Variants in GPR21 observed in about 807,000 individuals in gnomAD.
GPR21 encodes G protein-coupled receptor 21.
A neutral mutation model predicts 21.5 loss-of-function variants in GPR21; 9 were observed. The observed-to-expected ratio is 0.42, with a 90% CI of 0.25 to 0.73. The LOEUF (loss-of-function observed/expected upper bound fraction) is 0.73. GPR21 is among the 30% of genes least tolerant of loss of function. The pLI is 0.27. For synonymous variants in GPR21, 169 were observed against 159.3 expected (o/e 1.06, Z -0.46); for missense variants, 416 against 428.9 (o/e 0.97, Z 0.27).
chr9:123,046,875 A>G, the GPR21 span, among the ~76,000 whole-genome samples: 1 of 152,204 alleles, frequency 6.6e-6, no homozygotes, highest in Non-Finnish European at 1.5e-5. Context: ...TCCTTAAGTG[A>G]CAGAGCTTAG....
chr9:123,041,395 A>T, the GPR21 span, among the ~76,000 whole-genome samples: 1 of 152,214 alleles, frequency 6.6e-6, no homozygotes, highest in Non-Finnish European at 1.5e-5. Context: ...TTTATAGGTG[A>T]GGAAACATAG....
downstream of GPR21, among the ~76,000 whole-genome samples, chr9:123,036,411 A>G (rs1683099182): frequency 6.6e-6 from 1 of 152,188 alleles, no homozygotes; most frequent in African/African-American, 2.4e-5. Context: ...GAATTGTTAG[A>G]TTTCTCTTTT....
At chr9:123,039,124 G>A (rs2032821833), downstream of GPR21, among the ~76,000 whole-genome samples, 2 of 152,122 alleles carry the variant, frequency 1.3e-5, no homozygotes, top group South Asian at 4.1e-4. Context: ...CTACATGTAA[G>A]GAAGCCATAC....
At chr9:123,041,603 A>G in the GPR21 span, among the ~76,000 whole-genome samples, 12 of 152,230 alleles carry the variant, frequency 7.9e-5, no homozygotes, top group African/African-American at 2.7e-4. Flanking sequence ...TAGCAAAGGT[A>G]TAATATGGAT....
the GPR21 span, among the ~76,000 whole-genome samples, chr9:123,048,544 A>G: frequency 6.6e-6 from 1 of 152,238 alleles, no homozygotes. Context: ...GTCAAACAAT[A>G]CAGTACGTAT....
the GPR21 span, among the ~76,000 whole-genome samples, chr9:123,043,850 T>C: frequency 1.3e-5 from 2 of 152,084 alleles, no homozygotes; most frequent in Non-Finnish European, 2.9e-5. Flanking sequence ...GGAATTTCAT[T>C]GTAAGCTTTG....
the GPR21 span, among the ~76,000 whole-genome samples, chr9:123,047,003 C>T: frequency 6.6e-6 from 1 of 152,314 alleles, no homozygotes; most frequent in South Asian, 2.1e-4. Flanking sequence ...GGTATTAAAC[C>T]TCCTTTAGAC....
the GPR21 span, among the ~76,000 whole-genome samples, chr9:123,044,227 T>C: frequency 1.3e-5 from 2 of 152,144 alleles, no homozygotes; most frequent in Non-Finnish European, 2.9e-5. Flanking sequence ...CTATGAAAAG[T>C]GTAGACCACA....
At chr9:123,047,927 T>A in the GPR21 span, among the ~76,000 whole-genome samples, 3 of 61,070 alleles carry the variant, frequency 4.9e-5, no homozygotes, top group African/African-American at 2.8e-4. Context: ...GGGTTTTTTT[T>A]TTTTTTTTTT....
downstream of GPR21, among the ~76,000 whole-genome samples, chr9:123,038,628 T>C (rs993742273): frequency 6.6e-6 from 1 of 152,128 alleles, no homozygotes; most frequent in Non-Finnish European, 1.5e-5. Context: ...TTGGGAAATT[T>C]AAGAATGGGA....
At chr9:123,041,401 CAT>C in the GPR21 span, among the ~76,000 whole-genome samples, 1 of 152,152 alleles carries the variant, frequency 6.6e-6, no homozygotes, top group African/African-American at 2.4e-5. Context: ...GGTGAGGAAA[CAT>C]AGGCTTAGAG....
At chr9:123,044,626 CGTGTGTGTGT>C in the GPR21 span, among the ~76,000 whole-genome samples, 46 of 149,088 alleles carry the variant, frequency 3.1e-4, 1 homozygote, top group East Asian at 9.9e-4. Flanking sequence ...AACACACGTA[CGTGTGTGTGT>C]GTGTGTGTGT....
In GPR21 at chr9:123,034,636, A is replaced by G. The variant is rs535225883; in HGVS notation, c.70A>G (p.Thr24Ala). ...FCLLAFGYLE[T>A]VNFCLLEVLI... ...CCTCTTGGCATTTGGCTATTTGGAA[A>G]CTGTCAATTTTTGCCTTTTGGAAGT... Residue 24 changes from threonine (T) to alanine (A), a missense_variant, in exon 2 of 2, where the codon ACT becomes GCT. Transcript: ENST00000616002. 748 of 1,613,856 alleles carry G rather than the reference A, an allele frequency of 4.6e-4. 3 individuals carry two copies. The South Asian group carries it at 7.4e-3, about 16-fold the overall frequency.
downstream of GPR21, among the ~76,000 whole-genome samples, chr9:123,036,660 T>C (rs534077879): frequency 1.3e-5 from 2 of 152,212 alleles, no homozygotes; most frequent in Non-Finnish European, 2.9e-5. Context: ...ACATTTTCTT[T>C]GTGGTTAAAT....
At chr9:123,047,530 T>C in the GPR21 span, among the ~76,000 whole-genome samples, 1 of 152,166 alleles carries the variant, frequency 6.6e-6, no homozygotes, top group Non-Finnish European at 1.5e-5. Flanking sequence ...AGTTTTTTAG[T>C]TAATAGAAAA....
chr9:123,045,025 GA>G, the GPR21 span, among the ~76,000 whole-genome samples: 1 of 152,148 alleles, frequency 6.6e-6, no homozygotes, highest in Admixed American at 6.5e-5. Context: ...ATCTTTACAA[GA>G]AATTATTATG....
downstream of GPR21, among the ~76,000 whole-genome samples, chr9:123,036,886 T>C (rs2032692445): frequency 6.6e-6 from 1 of 152,158 alleles, no homozygotes; most frequent in Non-Finnish European, 1.5e-5. Flanking sequence ...AGAATTATTA[T>C]TGAGAGTTAT....
chr9:123,044,410 A>G, the GPR21 span, among the ~76,000 whole-genome samples: 4 of 152,190 alleles, frequency 2.6e-5, no homozygotes, highest in Non-Finnish European at 4.4e-5. Context: ...AAGTATAGGC[A>G]AAGTTAATAT....
the GPR21 span, among the ~76,000 whole-genome samples, chr9:123,044,741 C>T: frequency 0.62 from 94,869 of 151,812 alleles, 36,770 homozygotes; most frequent in Non-Finnish European, 0.86. Context: ...TGCAAAATGC[C>T]ATGTAGTGTT....
Sources: gnomAD v4.1 joint callset for allele counts (sites outside exome capture counted in the v4.1 genomes callset) on GRCh38, gnomAD v4.1.1 for gene constraint, MANE v1.5 for transcripts, NCBI Gene and HGNC (gene_info 2026-07-23, HGNC 2026-07-21) for gene names.